Variants in FLYWCH1 observed in about 807,000 individuals in gnomAD.
FLYWCH1 encodes the protein FLYWCH-type zinc finger-containing protein 1.
FLYWCH1 carries 75 observed loss-of-function variants against 66.4 expected under a neutral mutation model. The observed-to-expected ratio is 1.13, with a 90% CI of 0.94 to 1.37. The LOEUF (loss-of-function observed/expected upper bound fraction) is 1.37, where lower values mean the gene tolerates loss of function less well. Ranked by LOEUF, FLYWCH1 falls within the 40% of genes most tolerant of loss-of-function variation. The pLI, the probability that FLYWCH1 is intolerant of heterozygous loss-of-function variation, is 0.00. For missense variants in FLYWCH1, 1,334 were observed against 1,001.8 expected (o/e 1.33, Z -4.48); for synonymous variants, 595 against 429.9 (o/e 1.38, Z -4.75).
chr16:2,939,243 C>T (rs376485472), intron 8 of FLYWCH1, among the ~76,000 whole-genome samples: 5 of 152,084 alleles, frequency 3.3e-5, no homozygotes, highest in East Asian at 1.9e-4. Flanking sequence ...GTCAGGAGTT[C>T]GAGACCATCC....
chr16:2,923,284 G>T (rs530612843), intron 2 of FLYWCH1: 56 of 244,750 alleles, frequency 2.3e-4, no homozygotes, highest in African/African-American at 1.3e-3. Context: ...GTCTCGCTCT[G>T]TCGCCCAGGC....
At chr16:2,938,607 G>GT (rs35169451) in intron 8 of FLYWCH1, among the ~76,000 whole-genome samples, 151 bp downstream of exon 8, 12,191 of 127,468 alleles carry the variant, frequency 0.096, 855 homozygotes, top group Non-Finnish European at 0.13. Context: ...ACCAGTCTTT[G>GT]TTTTTTTTTT....
At chr16:2,945,817 GA>G (rs2071459777) in intron 9 of FLYWCH1, among the ~76,000 whole-genome samples, 1 of 151,874 alleles carries the variant, frequency 6.6e-6, no homozygotes, top group Non-Finnish European at 1.5e-5. Flanking sequence ...CTAACATGGT[GA>G]AATCCCATCT....
intron 2 of FLYWCH1, among the ~76,000 whole-genome samples, chr16:2,923,442 G>C (rs1378504419): frequency 6.6e-6 from 1 of 151,942 alleles, no homozygotes; most frequent in Non-Finnish European, 1.5e-5. Context: ...AGACGGGCTT[G>C]CCTATGTTGG....
intron 3 of FLYWCH1, 144 bp from the exon 4 acceptor site, chr16:2,930,266 C>T: frequency 4.7e-6 from 3 of 639,972 alleles, no homozygotes; most frequent in South Asian, 4.3e-5. Flanking sequence ...TAAAAACCAG[C>T]CCTGAGAGTC....
intron 2 of FLYWCH1, among the ~76,000 whole-genome samples, chr16:2,926,567 T>A (rs993338556): frequency 5.3e-5 from 8 of 152,170 alleles, no homozygotes; most frequent in African/African-American, 1.9e-4. Flanking sequence ...GGAAAAAAAT[T>A]CATGGACCCA....
At chr16:2,932,985 C>T (rs545897955) in intron 4 of FLYWCH1, 145 bp from the exon 5 acceptor site, 6 of 704,362 alleles carry the variant, frequency 8.5e-6, no homozygotes, top group African/African-American at 3.6e-5. Flanking sequence ...GGTTTGGGGC[C>T]TCTGACATAT....
chr16:2,924,647 G>T (rs1023270528), intron 2 of FLYWCH1, among the ~76,000 whole-genome samples: 3 of 152,152 alleles, frequency 2.0e-5, no homozygotes, highest in Non-Finnish European at 2.9e-5. Context: ...CTCCTGCCAC[G>T]CTGTGGGTCA....
chr16:2,937,017 TGAG>T lies in FLYWCH1; in HGVS notation c.1514-96_1514-94del, dbSNP rs1169524066. 1.4e-5 allele frequency: 17 copies of T among 1,209,504 alleles called. No individual in the cohort carries two copies. In the East Asian group the frequency reaches 2.8e-4, roughly 20 times the overall value. 74.9% of individuals were successfully genotyped at this position (1,209,504 alleles called of 1,614,324 possible). On this transcript the variant is annotated intron_variant, in intron 6 of 9. Coordinates refer to ENST00000253928, the MANE Select transcript of FLYWCH1 (RefSeq NM_001308068.2). The stretch of plus-strand genomic sequence containing the variant: ...CCTGGGCTCCGGGGCCACCTCACTG[TGAG>T]GAGGAGGTGTGGGCGTTGTGGGAGG...
chr16:2,939,712 T>G, intron 8 of FLYWCH1: 1 of 285,140 alleles, frequency 3.5e-6, no homozygotes, highest in Non-Finnish European at 6.8e-6. Flanking sequence ...CAAGAAATTT[T>G]TTTGAGAAAA....
At chr16:2,926,791 A>G (rs1191608529) in intron 2 of FLYWCH1, among the ~76,000 whole-genome samples, 1 of 152,218 alleles carries the variant, frequency 6.6e-6, no homozygotes, top group Non-Finnish European at 1.5e-5. Context: ...AGGAGGTAAC[A>G]TATCCTGAAT....
chr16:2,929,620 C>A lies in FLYWCH1; in HGVS notation c.-66C>A, dbSNP rs1439186206. On this transcript the variant is annotated 5_prime_UTR_variant, in exon 3 of 10. Transcript: ENST00000253928. Reference sequence around the variant, plus strand: ...TTTTGCTTCCTTCCTTAGGACGGAACCACTGCACTCCAGGTTCCTTGCTGG... The same window carrying A: ...TTTTGCTTCCTTCCTTAGGACGGAAACACTGCACTCCAGGTTCCTTGCTGG... The A allele has an allele frequency of 6.6e-7, 1 of 1,525,870 alleles. No homozygotes were observed. 94.5% of individuals were successfully genotyped at this position (1,525,870 alleles called of 1,614,324 possible).
At position 2,948,779 on chromosome 16, in the gene FLYWCH1, C is replaced by A. The variant is rs1567360292; in HGVS notation, c.*52C>A. The A allele has an allele frequency of 1.9e-6, 3 of 1,545,390 alleles. No individual in the cohort carries two copies. The highest frequency in any genetic ancestry group is 2.7e-6 in the Non-Finnish European group (3 of 1,118,368). ...CCGCCCACCCAAGGTGGCTTCACAT[C>A]CACACAGGCACTTCCCATCCACCTA... On this transcript the variant is annotated 3_prime_UTR_variant, in exon 10 of 10. Coordinates refer to ENST00000253928, the MANE Select transcript of FLYWCH1 (RefSeq NM_001308068.2).
chr16:2,930,677 G>T lies in FLYWCH1; in HGVS notation c.593G>T (p.Gly198Val). The change falls in exon 4 of 10, where the codon GGC becomes GTC. Residue 198 changes from glycine (G) to valine (V), a missense_variant. Transcript: ENST00000253928. ...CTGCCCAGCCTGGCCCTGCCAGAGG[G>T]CTTGGGAGAGCCCCAGGGTCCTGAG... Reference protein sequence around the residue: ...EKLPSLALPEGLGEPQGPEGP... With the variant: ...EKLPSLALPEVLGEPQGPEGP... 1.3e-6 allele frequency: 2 copies of T among 1,544,672 alleles called. No individual in the cohort carries two copies. Among genetic ancestry groups the T allele is most frequent in the Non-Finnish European group, 8.7e-7 (1 of 1,147,220 alleles).
At chr16:2,948,240 T>C (rs1406718682) in intron 9 of FLYWCH1, among the ~76,000 whole-genome samples, 6 of 151,980 alleles carry the variant, frequency 3.9e-5, no homozygotes, top group Non-Finnish European at 8.8e-5. Flanking sequence ...TGTAAAGGAA[T>C]TGATACGGAT....
At chr16:2,933,640 C>T (rs1250136161) in intron 5 of FLYWCH1, 58 bp downstream of exon 5, 25 of 1,562,268 alleles carry the variant, frequency 1.6e-5, no homozygotes, top group South Asian at 1.5e-4. Context: ...CTCCAGAGGT[C>T]CAGGGAGGGA....
intron 9 of FLYWCH1, among the ~76,000 whole-genome samples, chr16:2,943,996 TG>T (rs1172173026): frequency 6.6e-6 from 1 of 152,064 alleles, no homozygotes; most frequent in Non-Finnish European, 1.5e-5. Context: ...CTTCGGAGGC[TG>T]AGATGGAAGT....
chr16:2,914,900 C>T (rs2070114546), intron 2 of FLYWCH1, among the ~76,000 whole-genome samples: 1 of 127,472 alleles, frequency 7.8e-6, no homozygotes, highest in South Asian at 2.5e-4. Flanking sequence ...CAGAGTGAGA[C>T]TCTGTCTCAA....
chr16:2,912,967 C>T (rs999949106), intron 1 of FLYWCH1: 1 of 152,186 alleles, frequency 6.6e-6, no homozygotes, highest in East Asian at 1.9e-4. Context: ...TAGATTTTCT[C>T]GTGTGATTAT....
Sources: gnomAD v4.1 joint callset for allele counts (sites outside exome capture counted in the v4.1 genomes callset) on GRCh38, gnomAD v4.1.1 for gene constraint, MANE v1.5 for transcripts, NCBI Gene and HGNC (gene_info 2026-07-23, HGNC 2026-07-21) for gene names.